The following TSPAN31 variants were observed in gnomAD, a reference collection of about 807,000 sequenced individuals.
TSPAN31 encodes the protein tetraspanin 31, also known as tetraspanin-31.
A neutral mutation model predicts 24.8 loss-of-function variants in TSPAN31; 16 were observed. The observed-to-expected ratio is 0.64, with a 90% CI of 0.44 to 0.98. The LOEUF is 0.98. TSPAN31 is among the 50% of genes least tolerant of loss of function. The pLI, the probability that TSPAN31 is intolerant of heterozygous loss-of-function variation, is 0.00. For missense variants in TSPAN31, 209 were observed against 251.6 expected, an observed-to-expected ratio of 0.83 and a Z score of 1.15; for synonymous variants, 87 against 91.4, an observed-to-expected ratio of 0.95 and a Z score of 0.27.
At chr12:57,745,391 A>T in intron 1 of TSPAN31, 174 bp downstream of exon 1, 1 of 673,792 alleles carries the variant, frequency 1.5e-6, no homozygotes, top group Non-Finnish European at 2.5e-6. Flanking sequence ...CTTCCGGTTG[A>T]TTAAGGGGGT....
rs1955172051 is a variant in TSPAN31, at chr12:57,747,540, T to C, written c.*250T>C. ...GATATGGGAAGCTTCTGTGAGTGCATAGGATGGGGGCTGGAGTCATTCTTA... is the reference window on the plus strand; with the variant it reads ...GATATGGGAAGCTTCTGTGAGTGCACAGGATGGGGGCTGGAGTCATTCTTA... On this transcript the variant is annotated 3_prime_UTR_variant, in exon 6 of 6. Transcript: ENST00000257910. The C allele has an allele frequency of 6.7e-6, 3 of 447,042 alleles. No homozygotes were observed. The highest frequency in any genetic ancestry group is 3.9e-5 in the African/African-American group (2 of 50,658). The allele number at this position is 447,042 out of a possible 1,614,324, so 27.7% of individuals were successfully genotyped here. A position where few individuals can be genotyped will look rare whatever the true frequency, so the allele number is the denominator to read the frequency against.
At chr12:57,746,480 C>T in intron 3 of TSPAN31, 109 bp from the exon 4 acceptor site, 2 of 1,379,046 alleles carry the variant, frequency 1.5e-6, no homozygotes, top group South Asian at 1.2e-5. Flanking sequence ...AATTGTTGCA[C>T]ACCGTTATGC....
At chr12:57,746,837 G>T in intron 4 of TSPAN31, 117 bp downstream of exon 4, 1 of 1,491,622 alleles carries the variant, frequency 6.7e-7, no homozygotes, top group Non-Finnish European at 9.2e-7. Flanking sequence ...AAGCCCTCTT[G>T]TATTGGGGCT....
At position 57,746,811 on chromosome 12, in the gene TSPAN31, T is replaced by C. The variant is rs1322737228; in HGVS notation, c.444+91T>C. On this transcript the variant is annotated intron_variant, in intron 4 of 5. Coordinates refer to ENST00000257910, the MANE Select transcript of TSPAN31 (RefSeq NM_005981.5). ...GTTGGCAAATTTAGTTTGAATGTCA[T>C]TGTTTCTCTCTCTACAAGCCCTCTT... The C allele has an allele frequency of 4.5e-6, 7 of 1,572,606 alleles. No individual in the cohort carries two copies. In the African/African-American group the frequency reaches 9.5e-5, roughly 21 times the overall value.
intron 3 of TSPAN31, 63 bp from the exon 4 acceptor site, chr12:57,746,526 G>T: frequency 6.2e-7 from 1 of 1,601,238 alleles, no homozygotes; most frequent in South Asian, 1.1e-5. Context: ...TAGGGAAATT[G>T]AGGCACTTGA....
chr12:57,745,665 C>A (rs1262864253), intron 1 of TSPAN31, 80 bp from the exon 2 acceptor site: 2 of 1,554,552 alleles, frequency 1.3e-6, no homozygotes, highest in Admixed American at 1.9e-5. Context: ...CCCCCTGCCC[C>A]GCTCCCAAGT....
At position 57,747,038 on chromosome 12, in the gene TSPAN31, C is replaced by G; in HGVS notation, c.465C>G (p.Pro155=). ...CTCAGATCTGCAAGAGCCAGAGCCC[C>G]ACATGCCAGATGTGTGGAGAAAAGT... ...FCTAICKSQS[P]TCQMCGEKFL... The change falls in exon 5 of 6, where the codon CCC becomes CCG. Residue 155 remains proline, a synonymous_variant. Coordinates refer to ENST00000257910, the MANE Select transcript of TSPAN31 (RefSeq NM_005981.5). 6.2e-7 allele frequency: 1 copy of G among 1,614,190 alleles called. No homozygotes were observed. The highest frequency in any genetic ancestry group is 8.5e-7 in the Non-Finnish European group (1 of 1,180,030).
chr12:57,748,490 A>G lies in TSPAN31; in HGVS notation c.*1200A>G, dbSNP rs1309022049. 6.8e-7 allele frequency: 1 copy of G among 1,477,380 alleles called. No individual in the cohort carries two copies. The highest frequency in any genetic ancestry group is 1.7e-5 in the Admixed American group (1 of 59,784). 91.5% of individuals were successfully genotyped at this position (1,477,380 alleles called of 1,614,324 possible). On this transcript the variant is annotated 3_prime_UTR_variant, in exon 6 of 6. Transcript: ENST00000257910. ...TCTCAGTGTCCAGAAGGGAAATGGC[A>G]GCTTTTCTTCCTTCCATGGCAGCCA...
Position 57,748,297 on chromosome 12 carries a change from G to A in TSPAN31, c.*1007G>A. The A allele has an allele frequency of 3.9e-6, 2 of 507,370 alleles. No homozygotes were observed. The highest frequency in any genetic ancestry group is 7.2e-6 in the Non-Finnish European group (2 of 279,064). 31.4% of individuals were successfully genotyped at this position (507,370 alleles called of 1,614,324 possible). Reference sequence around the variant, plus strand: ...AAAGGACCCCAAATATAAAGGTAGGGAAAGGGACAAGAGGGAACATACCCC... The same window carrying A: ...AAAGGACCCCAAATATAAAGGTAGGAAAAGGGACAAGAGGGAACATACCCC... On this transcript the variant is annotated 3_prime_UTR_variant, in exon 6 of 6. Transcript: ENST00000257910.
chr12:57,745,607 G>T, intron 1 of TSPAN31, 138 bp from the exon 2 acceptor site: 1 of 1,110,014 alleles, frequency 9.0e-7, no homozygotes, highest in Non-Finnish European at 1.3e-6. Context: ...TCCCGGTGCG[G>T]ATAGCACCAT....
chr12:57,747,433 A>AGACTTTATGCCTT lies in TSPAN31; in HGVS notation c.*147_*159dup. 1 of 679,878 alleles carries AGACTTTATGCCTT rather than the reference A, an allele frequency of 1.5e-6. No individual in the cohort carries two copies. The highest frequency in any genetic ancestry group is 1.9e-5 in the South Asian group (1 of 51,488). The allele number at this position is 679,878 out of a possible 1,614,324, so 42.1% of individuals were successfully genotyped here. A position where few individuals can be genotyped will look rare whatever the true frequency, so the allele number is the denominator to read the frequency against. ...ATCCTCTAAAATTGATGGAATAGCAAGACTTTATGCCTTGACATATTTTAG... is the reference window on the plus strand; with the variant it reads ...ATCCTCTAAAATTGATGGAATAGCAAGACTTTATGCCTTGACTTTATGCCTTGACATATTTTAG... On this transcript the variant is annotated 3_prime_UTR_variant, in exon 6 of 6. Transcript: ENST00000257910.
chr12:57,748,607 G>A lies in TSPAN31; in HGVS notation c.*1317G>A. On this transcript the variant is annotated 3_prime_UTR_variant, in exon 6 of 6. Coordinates refer to ENST00000257910, the MANE Select transcript of TSPAN31 (RefSeq NM_005981.5). ...AGAGATTCGCTTGTGTGGGTTAAAA[G>A]TCAGCATTTCCTGAGGGGAGAGGCA... 2 of 1,613,200 alleles carry A rather than the reference G, an allele frequency of 1.2e-6. No individual in the cohort carries two copies. The highest frequency in any genetic ancestry group is 1.7e-6 in the Non-Finnish European group (2 of 1,179,222).
At position 57,745,085 on chromosome 12, in the gene TSPAN31, T is replaced by C. The variant is rs117347172; in HGVS notation, c.-70T>C. On this transcript the variant is annotated 5_prime_UTR_variant, in exon 1 of 6. Coordinates refer to ENST00000257910, the MANE Select transcript of TSPAN31 (RefSeq NM_005981.5). ...TTTAAAGAGACAGAAGCTGTCGGGG[T>C]CCTGGAAGACGGTCCCCAATACCCT... 0.01 allele frequency: 14,224 copies of C among 1,416,792 alleles called. 104 individuals carry two copies. The highest frequency in any genetic ancestry group is 0.013 in the Admixed American group (646 of 50,794). 87.8% of individuals were successfully genotyped at this position (1,416,792 alleles called of 1,614,324 possible). A position where few individuals can be genotyped will look rare whatever the true frequency, so the allele number is the denominator to read the frequency against.
At position 57,748,708 on chromosome 12, in the gene TSPAN31, CTTTTTTTTT is replaced by C; in HGVS notation, c.*1425_*1433del. On this transcript the variant is annotated 3_prime_UTR_variant, in exon 6 of 6. Transcript: ENST00000257910. ...CCTGGGATGAGCTTTCTTCTTTTTT[CTTTTTTTTT>C]TTTTTTGAGACGGAGTCTCGCTCTA... is the stretch of plus-strand genomic sequence containing the variant. The C allele has an allele frequency of 1.4e-6, 1 of 693,632 alleles. No individual in the cohort carries two copies. Among genetic ancestry groups the C allele is most frequent in the Non-Finnish European group, 2.5e-6 (1 of 403,558 alleles). The allele number at this position is 693,632 out of a possible 1,614,324, so 43.0% of individuals were successfully genotyped here. A position where few individuals can be genotyped will look rare whatever the true frequency, so the allele number is the denominator to read the frequency against.
rs1461714945 is a variant in TSPAN31 at position 57,747,059 on chromosome 12, A to C, written c.486A>C (p.Glu162Asp). ...SQSPTCQMCG[E>D]KFLKHSDEAL... ...GCCCCACATGCCAGATGTGTGGAGA[A>C]AAGTTTCTTAAGCATTCAGACGAAG... Residue 162 changes from glutamate to aspartate, a missense_variant, in exon 5 of 6, where the codon GAA (glutamate) becomes GAC (aspartate). Glu to Asp is a conservative substitution (Grantham distance 45). Coordinates refer to ENST00000257910, the MANE Select transcript of TSPAN31 (RefSeq NM_005981.5). 2 of 1,614,132 alleles carry C rather than the reference A, an allele frequency of 1.2e-6. No individual in the cohort carries two copies. The highest frequency in any genetic ancestry group is 1.7e-5 in the Admixed American group (1 of 60,012).
rs566822380 is a variant in TSPAN31, at chr12:57,748,894, C to T, written c.*1604C>T. The T allele has an allele frequency of 2.6e-5, 14 of 543,276 alleles. No individual in the cohort carries two copies. The highest frequency in any genetic ancestry group is 1.6e-4 in the South Asian group (8 of 48,850). The allele number at this position is 543,276 out of a possible 1,614,324, so 33.7% of individuals were successfully genotyped here. On this transcript the variant is annotated 3_prime_UTR_variant, in exon 6 of 6. Coordinates refer to ENST00000257910, the MANE Select transcript of TSPAN31 (RefSeq NM_005981.5). ...CTTATTTTTGTACTTTTAGTAGAGACGAGGTTTCACCATGTTGGCCAGGCT... is the reference window on the plus strand; with the variant it reads ...CTTATTTTTGTACTTTTAGTAGAGATGAGGTTTCACCATGTTGGCCAGGCT...
chr12:57,746,842 G>A lies in TSPAN31; in HGVS notation c.444+122G>A, dbSNP rs147491174. 1.1e-3 allele frequency: 1,563 copies of A among 1,481,060 alleles called. 44 individuals carry two copies. The East Asian group carries it at 0.032, about 30-fold the overall frequency. 91.7% of individuals were successfully genotyped at this position (1,481,060 alleles called of 1,614,324 possible). On this transcript the variant is annotated intron_variant, in intron 4 of 5. Transcript: ENST00000257910. ...CTCTCTCTACAAGCCCTCTTGTATT[G>A]GGGCTGTGTTGGTGGGAGGTGGGGG...
At position 57,748,640 on chromosome 12, in the gene TSPAN31, GAAAACCATGAAGAA is replaced by G. The variant is rs766751879; in HGVS notation, c.*1353_*1366del. On this transcript the variant is annotated 3_prime_UTR_variant, in exon 6 of 6. Transcript: ENST00000257910. ...TTCCTGAGGGGAGAGGCAAAGGTCA[GAAAACCATGAAGAA>G]AACAGACTTCTGCCCACCCACAACA... 9.8e-6 allele frequency: 15 copies of G among 1,531,102 alleles called. No homozygotes were observed. In the African/African-American group the frequency reaches 2.1e-4, roughly 21 times the overall value. 94.8% of individuals were successfully genotyped at this position (1,531,102 alleles called of 1,614,324 possible). A position where few individuals can be genotyped will look rare whatever the true frequency, so the allele number is the denominator to read the frequency against.
At position 57,748,617 on chromosome 12, in the gene TSPAN31, C is replaced by T; in HGVS notation, c.*1327C>T. ...TTGTGTGGGTTAAAAGTCAGCATTT[C>T]CTGAGGGGAGAGGCAAAGGTCAGAA... is the stretch of plus-strand genomic sequence containing the variant. On this transcript the variant is annotated 3_prime_UTR_variant, in exon 6 of 6. Coordinates refer to ENST00000257910, the MANE Select transcript of TSPAN31 (RefSeq NM_005981.5). 1.9e-6 allele frequency: 3 copies of T among 1,611,174 alleles called. No homozygotes were observed. The highest frequency in any genetic ancestry group is 1.7e-4 in the Middle Eastern group (1 of 6,060).
Sources: allele counts gnomAD v4.1 joint callset, GRCh38; gene constraint gnomAD v4.1.1; transcripts MANE v1.5; gene names NCBI Gene and HGNC (gene_info 2026-07-23, HGNC 2026-07-21).